The following DPP6 variants were observed in gnomAD, a reference collection of about 807,000 sequenced individuals.
DPP6 encodes the protein A-type potassium channel modulatory protein DPP6.
DPP6 carries 69 observed loss-of-function variants against 122.6 expected under a neutral mutation model. The observed-to-expected ratio is 0.56, with a 90% CI of 0.46 to 0.69. DPP6 has a LOEUF of 0.69. DPP6 is among the 30% of genes least tolerant of loss of function. DPP6 has a pLI of 0.00. For missense variants in DPP6, 928 were observed against 1,116.9 expected, an observed-to-expected ratio of 0.83 and a Z score of 2.41; for synonymous variants, 418 against 433.1, an observed-to-expected ratio of 0.97 and a Z score of 0.43.
chr7:154,655,904 G>A (rs1449835484), intron 6 of DPP6, among the ~76,000 whole-genome samples: 1 of 152,168 alleles, frequency 6.6e-6, no homozygotes, highest in Non-Finnish European at 1.5e-5. Context: ...CTGGCCCTGA[G>A]CAAGTCGCTT....
intron 5 of DPP6, among the ~76,000 whole-genome samples, chr7:154,591,190 G>A (rs1316042824): frequency 2.0e-5 from 3 of 152,240 alleles, no homozygotes; most frequent in Non-Finnish European, 2.9e-5. Context: ...GAATCTGGAA[G>A]GACAGCCACA....
At chr7:154,321,905 T>TA (rs573426966) in intron 1 of DPP6, among the ~76,000 whole-genome samples, 8 of 151,630 alleles carry the variant, frequency 5.3e-5, no homozygotes, top group Non-Finnish European at 8.8e-5. Context: ...TAGGGAAAGA[T>TA]ACTGTGGTAG....
chr7:154,004,235 C>T (rs1160564936), intron 1 of DPP6, among the ~76,000 whole-genome samples: 13 of 152,244 alleles, frequency 8.5e-5, no homozygotes, highest in African/African-American at 3.1e-4. Context: ...TGTTTTCTGT[C>T]GTCAGTTAGT....
At chr7:154,487,774 A>G (rs57429051) in intron 3 of DPP6, among the ~76,000 whole-genome samples, 13,590 of 152,214 alleles carry the variant, frequency 0.089, 1,814 homozygotes, top group African/African-American at 0.29. Flanking sequence ...AACCATGGTA[A>G]CCTGCTAGGG....
At chr7:153,963,508 T>C (rs7786702) in intron 1 of DPP6, among the ~76,000 whole-genome samples, 8,471 of 147,412 alleles carry the variant, frequency 0.057, 957 homozygotes, top group African/African-American at 0.2. Flanking sequence ...AGGTACTCTT[T>C]CCTGTAAAGC....
At chr7:154,797,905 C>G (rs1798137349) in intron 12 of DPP6, among the ~76,000 whole-genome samples, 1 of 152,208 alleles carries the variant, frequency 6.6e-6, no homozygotes, top group African/African-American at 2.4e-5. Flanking sequence ...ATTGTGCAGG[C>G]TACGAGGGTG....
chr7:154,430,845 T>A (rs376844369), intron 1 of DPP6, among the ~76,000 whole-genome samples: 1 of 152,084 alleles, frequency 6.6e-6, no homozygotes, highest in Non-Finnish European at 1.5e-5. Flanking sequence ...GAAGCTCAGC[T>A]GGCACATGGT....
intron 1 of DPP6, among the ~76,000 whole-genome samples, chr7:153,915,151 C>T (rs887344045): frequency 6.6e-6 from 1 of 152,170 alleles, no homozygotes; most frequent in Non-Finnish European, 1.5e-5. Flanking sequence ...AGTTGTGGCC[C>T]TATGATTTCA....
intron 1 of DPP6, among the ~76,000 whole-genome samples, chr7:154,286,200 G>A (rs1804839533): frequency 6.6e-6 from 1 of 152,128 alleles, no homozygotes; most frequent in Non-Finnish European, 1.5e-5. Context: ...GAAGGGACAT[G>A]GTTTTGTCCA....
chr7:154,033,079 C>G (rs191733685), intron 1 of DPP6, among the ~76,000 whole-genome samples: 45 of 150,216 alleles, frequency 3.0e-4, no homozygotes, highest in Non-Finnish European at 6.0e-4. Flanking sequence ...TACATAGTTC[C>G]TGGGTGGTAA....
At chr7:153,876,997 C>T in the DPP6 span, among the ~76,000 whole-genome samples, 1 of 152,010 alleles carries the variant, frequency 6.6e-6, no homozygotes, top group Non-Finnish European at 1.5e-5. Flanking sequence ...TAGAGTTGCT[C>T]TGAGTGAGTC....
chr7:154,091,572 G>T (rs2626664), intron 1 of DPP6, among the ~76,000 whole-genome samples: 5 of 150,976 alleles, frequency 3.3e-5, no homozygotes, highest in African/African-American at 1.2e-4. Context: ...AGTCTCTCGC[G>T]GTATAACAAT....
At chr7:153,979,364 G>A (rs1472672930) in intron 1 of DPP6, among the ~76,000 whole-genome samples, 4 of 152,224 alleles carry the variant, frequency 2.6e-5, no homozygotes, top group African/African-American at 9.6e-5. Flanking sequence ...TTGGTGTATA[G>A]GAATGCTTGT....
Position 154,250,525 on chromosome 7 carries a change from A to G in DPP6, c.244-195689A>G, listed in dbSNP as rs1802289106. Among the ~76,000 whole-genome samples the G allele has an allele frequency of 5.9e-5, 9 of 152,164 alleles. No homozygotes were observed. The South Asian group carries it at 1.9e-3, about 32-fold the overall frequency. ...TGTCTGTGAATTCAAGTAGGAGACA[A>G]ATGGATTTCCTTACTTTTTCTGATC... On this transcript the variant is annotated intron_variant, in intron 1 of 25. Coordinates refer to ENST00000377770, the MANE Select transcript of DPP6 (RefSeq NM_130797.4).
intron 3 of DPP6, among the ~76,000 whole-genome samples, chr7:154,535,067 C>T (rs1828126801): frequency 1.3e-5 from 2 of 148,814 alleles, no homozygotes; most frequent in South Asian, 2.1e-4. Context: ...TCTACACATA[C>T]ATTTTCAATT....
chr7:154,891,892 T>C (rs1415208394), intron 25 of DPP6, among the ~76,000 whole-genome samples: 2 of 152,176 alleles, frequency 1.3e-5, no homozygotes, highest in Non-Finnish European at 2.9e-5. Context: ...TTTCAGAGCC[T>C]GACACCCTGA....
In DPP6 at chr7:154,760,731, G is replaced by A. The variant is rs182901222; in HGVS notation, c.884-8686G>A. 2.6e-5 allele frequency among the ~76,000 whole-genome samples: 4 copies of A among 152,184 alleles called. No individual in the cohort carries two copies. The highest frequency in any genetic ancestry group is 1.9e-4 in the East Asian group (1 of 5,182). ...GACATCAGGCCCAGAAGTTCTGGAA[G>A]CTCCCTCAGGTGCCCACAACACAAA... is the stretch of plus-strand genomic sequence containing the variant. On this transcript the variant is annotated intron_variant, in intron 8 of 25. Coordinates refer to ENST00000377770, the MANE Select transcript of DPP6 (RefSeq NM_130797.4). This position sits in a 1 kb window ranked among gnomAD's most constrained non-coding sequence, Gnocchi z 4.5.
At chr7:154,330,199 T>A (rs1217051038) in intron 1 of DPP6, among the ~76,000 whole-genome samples, 1 of 152,148 alleles carries the variant, frequency 6.6e-6, no homozygotes, top group Non-Finnish European at 1.5e-5. Context: ...AAAGTAAAAA[T>A]TTTTAAACAT....
At chr7:154,308,139 G>T (rs1457867482) in intron 1 of DPP6, among the ~76,000 whole-genome samples, 1 of 152,022 alleles carries the variant, frequency 6.6e-6, no homozygotes. Flanking sequence ...CTTAGCAAGT[G>T]AACAGAGGAA....
Sources: gnomAD v4.1 joint callset for allele counts (sites outside exome capture counted in the v4.1 genomes callset) on GRCh38, gnomAD v4.1.1 for gene constraint, Gnocchi (gnomAD v3.1) non-coding constraint, MANE v1.5 for transcripts, NCBI Gene and HGNC (gene_info 2026-07-23, HGNC 2026-07-21) for gene names.